ZNF880: variants seen among roughly 807,000 people sequenced by gnomAD.
ZNF880 encodes the protein zinc finger protein 880, also known as zinc finger protein LOC400713.
ZNF880 carries 12 observed loss-of-function variants against 11.8 expected under a neutral mutation model. The observed-to-expected ratio is 1.02, with a 90% CI of 0.65 to 1.65. The LOEUF is 1.65. Ranked by LOEUF, ZNF880 falls within the 40% of genes most tolerant of loss-of-function variation. The pLI, the probability that ZNF880 is intolerant of heterozygous loss-of-function variation, is 0.00. For synonymous variants in ZNF880, 210 were observed against 232.4 expected, an observed-to-expected ratio of 0.90 and a Z score of 0.88; for missense variants, 601 against 673.9, an observed-to-expected ratio of 0.89 and a Z score of 1.20.
chr19:52,376,322 T>C (rs1986548879), intron 3 of ZNF880, among the ~76,000 whole-genome samples: 1 of 152,016 alleles, frequency 6.6e-6, no homozygotes, highest in African/African-American at 2.4e-5. Context: ...CACACCAACA[T>C]GTAGTATGTT....
downstream of ZNF880, among the ~76,000 whole-genome samples, chr19:52,388,361 C>T (rs971626056): frequency 7.7e-6 from 1 of 130,654 alleles, no homozygotes; most frequent in African/African-American, 3.1e-5. Context: ...TGGCTCATGG[C>T]AACCTCTGCC....
chr19:52,388,281 A>ATTTTTTTTTTTTTTTT (rs1298446341), downstream of ZNF880, among the ~76,000 whole-genome samples: 1 of 38,888 alleles, frequency 2.6e-5, no homozygotes, highest in African/African-American at 1.8e-4. Context: ...GGCAATTTGA[A>ATTTTTTTTTTTTTTTT]CTTTTTTTTT....
At chr19:52,379,523 A>G (rs979012954) in intron 3 of ZNF880, 9 of 436,594 alleles carry the variant, frequency 2.1e-5, no homozygotes, top group African/African-American at 4.1e-5. Context: ...GGCCTCCCCA[A>G]GTGCTAGGAT....
downstream of ZNF880, among the ~76,000 whole-genome samples, chr19:52,386,258 G>A (rs189011970): frequency 8.7e-4 from 125 of 142,904 alleles, 16 homozygotes; most frequent in Non-Finnish European, 9.3e-4. Flanking sequence ...TCAGTTTGCC[G>A]AGGAAGAAGG....
chr19:52,393,905 C>G, the ZNF880 span, among the ~76,000 whole-genome samples: 15 of 138,724 alleles, frequency 1.1e-4, no homozygotes, highest in African/African-American at 3.7e-4. Flanking sequence ...GGCGCGATCT[C>G]AGCTCACTGC....
intron 1 of ZNF880, 137 bp downstream of exon 1, chr19:52,370,114 T>G (rs1986319537): frequency 7.6e-6 from 9 of 1,186,374 alleles, no homozygotes; most frequent in South Asian, 1.3e-5. Flanking sequence ...GACGTTCTAA[T>G]GAGAGTCTGG....
chr19:52,385,091 A>G lies in ZNF880; in HGVS notation c.1511A>G (p.Asn504Ser). Residue 504 changes from asparagine to serine, a missense_variant, in exon 4 of 4, where the codon AAT becomes AGT. By Grantham distance (46) the Asn-to-Ser change is conservative. This residue lies in a region of ZNF880 where 177 missense variants were observed against 214.5 expected (regional missense o/e 0.83). Transcript: ENST00000422689. ...GAATGTCACAAAGTCTTTAGTCACA[A>G]TTCACACCTTGCACGACATAGGCAA... Reference protein sequence around the residue: ...CSECHKVFSHNSHLARHRQIH... With the variant: ...CSECHKVFSHSSHLARHRQIH... The G allele has an allele frequency of 6.4e-7, 1 of 1,556,142 alleles. No individual in the cohort carries two copies. The highest frequency in any genetic ancestry group is 8.7e-7 in the Non-Finnish European group (1 of 1,149,526).
At chr19:52,383,015 A>G (rs1360650471) in intron 3 of ZNF880, among the ~76,000 whole-genome samples, 1 of 152,098 alleles carries the variant, frequency 6.6e-6, no homozygotes, top group East Asian at 1.9e-4. Context: ...TGAATAACAT[A>G]TCTTTCAATT....
At chr19:52,394,078 G>A in the ZNF880 span, among the ~76,000 whole-genome samples, 24 of 151,602 alleles carry the variant, frequency 1.6e-4, no homozygotes, top group South Asian at 2.1e-4. Flanking sequence ...TGACCTCGTA[G>A]TCCACCTGCC....
Position 52,384,167 on chromosome 19 carries a change from C to G in ZNF880, c.587C>G (p.Ser196Cys), listed in dbSNP as rs541584700. 6.2e-7 allele frequency: 1 copy of G among 1,608,888 alleles called. No homozygotes were observed. Among genetic ancestry groups the G allele is most frequent in the East Asian group, 2.2e-5 (1 of 44,742 alleles). Residue 196 changes from serine (S) to cysteine (C), a missense_variant, in exon 4 of 4, where the codon TCT becomes TGT. Physicochemically the swap from Ser to Cys is moderately radical, Grantham distance 112 (BLOSUM62 -1). Transcript: ENST00000422689. ...CNEHGKAFRV[S>C]SRLANNQVIH... ...GAGCATGGCAAAGCCTTTAGAGTGT[C>G]TTCAAGACTTGCTAACAATCAAGTA...
chr19:52,391,967 A>C, the ZNF880 span, among the ~76,000 whole-genome samples: 1 of 152,218 alleles, frequency 6.6e-6, no homozygotes. Flanking sequence ...CTTCCCACCA[A>C]CAAGCTATTT....
At chr19:52,392,292 T>TC in the ZNF880 span, among the ~76,000 whole-genome samples, 20 of 151,424 alleles carry the variant, frequency 1.3e-4, no homozygotes, top group Non-Finnish European at 2.4e-4. Context: ...CTTCCTCCCT[T>TC]TCTCTCTCTC....
intron 1 of ZNF880, among the ~76,000 whole-genome samples, chr19:52,371,711 T>C (rs959877910): frequency 3.4e-4 from 51 of 152,120 alleles, no homozygotes; most frequent in African/African-American, 1.2e-3. Context: ...CCCAGACTCC[T>C]GGGATCTGGC....
intron 2 of ZNF880, 148 bp downstream of exon 2, chr19:52,373,385 TTATAATGCTG>T: frequency 1.4e-6 from 1 of 730,932 alleles, no homozygotes; most frequent in Admixed American, 3.1e-5. Context: ...CCATAATGCT[TTATAATGCTG>T]TATTTTTCAG....
the ZNF880 span, among the ~76,000 whole-genome samples, chr19:52,393,417 T>A: frequency 6.6e-6 from 1 of 151,790 alleles, no homozygotes; most frequent in Admixed American, 6.6e-5. Flanking sequence ...CTTTCTTTTT[T>A]TTTTTTCTGG....
intron 3 of ZNF880, chr19:52,379,992 G>A (rs558404146): frequency 1.3e-5 from 2 of 152,144 alleles, no homozygotes; most frequent in East Asian, 3.9e-4. Context: ...CCGTCTCCCA[G>A]GTTCAAGTGA....
rs200583515 is a variant in ZNF880 at position 52,384,518 on chromosome 19, G to A, written c.938G>A (p.Arg313Gln). The A allele has an allele frequency of 7.4e-6, 12 of 1,613,726 alleles. No homozygotes were observed. The highest frequency in any genetic ancestry group is 2.7e-5 in the African/African-American group (2 of 74,892). ...KVFNRNAHLA[R>Q]HQKIHSGEKP... ...TTCAACAGAAATGCACACCTTGCAC[G>A]ACATCAGAAAATTCATAGTGGAGAG... Residue 313 changes from arginine (R) to glutamine (Q), a missense_variant, in exon 4 of 4, where the codon CGA becomes CAA. Arg to Gln is a conservative substitution (Grantham distance 43). Coordinates refer to ENST00000422689, the MANE Select transcript of ZNF880 (RefSeq NM_001145434.2).
At chr19:52,390,998 G>A in the ZNF880 span, 1 of 152,378 alleles carries the variant, frequency 6.6e-6, no homozygotes, top group Admixed American at 6.5e-5. Flanking sequence ...CAGAGACAGT[G>A]CATGAAGATG....
At chr19:52,373,680 T>TTG (rs1986463085) in intron 2 of ZNF880, among the ~76,000 whole-genome samples, 2 of 145,646 alleles carry the variant, frequency 1.4e-5, no homozygotes, top group Admixed American at 1.4e-4. Context: ...TTTTTTTTTT[T>TTG]TTTTTTTTTT....
Sources: allele counts gnomAD v4.1 joint callset (sites outside exome capture counted in the v4.1 genomes callset), GRCh38; gene constraint gnomAD v4.1.1; regional missense constraint gnomAD v4.1.1; transcripts MANE v1.5; gene names NCBI Gene and HGNC (gene_info 2026-07-23, HGNC 2026-07-21).